The following SLC51A variants were observed in gnomAD, a reference collection of about 807,000 sequenced individuals.
SLC51A encodes the protein solute carrier family 51 member A, also known as organic solute transporter subunit alpha.
SLC51A carries 22 observed loss-of-function variants against 34.8 expected under a neutral mutation model. The ratio of observed to expected loss-of-function variants is 0.63; its 90% confidence interval spans 0.45 to 0.90. The LOEUF (loss-of-function observed/expected upper bound fraction) is 0.90. SLC51A is among the 40% of genes least tolerant of loss of function. The pLI, the probability that SLC51A is intolerant of heterozygous loss-of-function variation, is 0.00. For synonymous variants in SLC51A, 181 were observed against 176.3 expected (o/e 1.03, Z -0.21); for missense variants, 371 against 414.8 (o/e 0.89, Z 0.92).
chr3:196,218,409 GA>G (rs1723653042), intron 2 of SLC51A, among the ~76,000 whole-genome samples: 1 of 152,232 alleles, frequency 6.6e-6, no homozygotes, highest in African/African-American at 2.4e-5. Context: ...CAGCCTTTCT[GA>G]AAAACCTTTG....
rs1577346107 is a variant in SLC51A at position 196,224,779 on chromosome 3, G to GGAGGA, written c.134-2177_134-2173dup. ...ATGGGAGAGGGGAGGGGAGGGGAGG[G>GGAGGA]GAGGAGAGGAGAGTTGTCTGCAAGT... On this transcript the variant is annotated intron_variant, in intron 2 of 8. Coordinates refer to ENST00000296327, the MANE Select transcript of SLC51A (RefSeq NM_152672.6). Among the ~76,000 whole-genome samples, 7 of 137,800 alleles carry GGAGGA rather than the reference G, an allele frequency of 5.1e-5. No homozygotes were observed. In the East Asian group the frequency reaches 1.9e-3, roughly 37 times the overall value. The allele number at this position is 137,800 out of a possible 152,430, so 90.4% of individuals were successfully genotyped here. A position where few individuals can be genotyped will look rare whatever the true frequency, so the allele number is the denominator to read the frequency against.
Position 196,232,406 on chromosome 3 carries a change from T to A in SLC51A, c.781-13T>A. ...GGCCCAGTCCACCCTTGCCTCTCTT[T>A]TATGTTCCGCAGGTTCTCCTCATCC... On this transcript the variant is annotated splice_polypyrimidine_tract_variant and intron_variant, in intron 7 of 8. Coordinates refer to ENST00000296327, the MANE Select transcript of SLC51A (RefSeq NM_152672.6). The A allele has an allele frequency of 6.2e-7, 1 of 1,609,860 alleles. No homozygotes were observed.
intron 2 of SLC51A, among the ~76,000 whole-genome samples, chr3:196,219,182 C>T (rs548423823): frequency 3.9e-5 from 6 of 152,220 alleles, no homozygotes; most frequent in Admixed American, 1.3e-4. Context: ...GCCGAGATCA[C>T]GCCACTGCAC....
intron 2 of SLC51A, 96 bp downstream of exon 2, chr3:196,218,032 G>A: frequency 2.7e-6 from 3 of 1,131,072 alleles, no homozygotes; most frequent in Non-Finnish European, 3.9e-6. Flanking sequence ...GTGCACCTGG[G>A]CAGCCGGGGA....
rs745311146 is a variant in SLC51A at position 196,233,170 on chromosome 3, C to A, written c.994C>A (p.Pro332Thr). The A allele has an allele frequency of 2.5e-6, 4 of 1,614,220 alleles. No individual in the cohort carries two copies. Among genetic ancestry groups the A allele is most frequent in the Non-Finnish European group, 3.4e-6 (4 of 1,180,048 alleles). Residue 332 changes from proline (P) to threonine (T), a missense_variant, in exon 9 of 9, where the codon CCA becomes ACA. Pro to Thr is a conservative substitution (Grantham distance 38, BLOSUM62 -1). Coordinates refer to ENST00000296327, the MANE Select transcript of SLC51A (RefSeq NM_152672.6). ...HKVGYETFSS[P>T]DLDLNLKA ...GGTTGGGTATGAAACTTTCTCTTCT[C>A]CAGACCTGGACTTGAACCTCAAAGC... is the stretch of plus-strand genomic sequence containing the variant.
In SLC51A at chr3:196,233,233, CTCA is replaced by C. The variant is rs752942539; in HGVS notation, c.*36_*38del. 2.1e-5 allele frequency: 33 copies of C among 1,609,458 alleles called. No individual in the cohort carries two copies. Among genetic ancestry groups the C allele is most frequent in the Non-Finnish European group, 2.8e-5 (33 of 1,177,772 alleles). On this transcript the variant is annotated 3_prime_UTR_variant, in exon 9 of 9. Coordinates refer to ENST00000296327, the MANE Select transcript of SLC51A (RefSeq NM_152672.6). ...GCTTGGACAATGAAAGGATGCTGTA[CTCA>C]TTAGAATACAAGATTCCTTTACTGT...
rs1468429895 is a variant in SLC51A at position 196,216,615 on chromosome 3, C to G, written c.-98C>G. 6.4e-6 allele frequency: 8 copies of G among 1,249,946 alleles called. No homozygotes were observed. In the South Asian group the frequency reaches 1.0e-4, roughly 16 times the overall value. 77.4% of individuals were successfully genotyped at this position (1,249,946 alleles called of 1,614,324 possible). A position where few individuals can be genotyped will look rare whatever the true frequency, so the allele number is the denominator to read the frequency against. The stretch of plus-strand genomic sequence containing the variant: ...CTGCAATTCTGCTTGCCCCCCACCC[C>G]GGCCCAGGCAAGCCACCCTGCCCCC... On this transcript the variant is annotated 5_prime_UTR_variant, in exon 1 of 9. Transcript: ENST00000296327. The surrounding 1 kb of genome is among the most constrained non-coding windows in gnomAD (Gnocchi z 4.5).
At chr3:196,225,338 T>C (rs1723870484) in intron 2 of SLC51A, among the ~76,000 whole-genome samples, 1 of 152,162 alleles carries the variant, frequency 6.6e-6, no homozygotes, top group South Asian at 2.1e-4. Context: ...TGCCACCAGG[T>C]GCGACTGACC....
At chr3:196,223,689 A>G (rs73083244) in intron 2 of SLC51A, among the ~76,000 whole-genome samples, 4,962 of 150,136 alleles carry the variant, frequency 0.033, 287 homozygotes, top group African/African-American at 0.12. Flanking sequence ...CTATTGTCTG[A>G]GTTTTTTTAA....
intron 8 of SLC51A, 24 bp from the exon 9 acceptor site, chr3:196,233,039 G>A (rs372592080): frequency 5.3e-5 from 86 of 1,612,440 alleles, no homozygotes; most frequent in Admixed American, 1.0e-4. Context: ...CATAACCTAC[G>A]CTGTATTTCA....
At chr3:196,226,786 AAAAG>A (rs1399403818) in intron 2 of SLC51A, among the ~76,000 whole-genome samples, 175 bp from the exon 3 acceptor site, 2 of 129,252 alleles carry the variant, frequency 1.5e-5, no homozygotes, top group African/African-American at 5.2e-5. Flanking sequence ...AAAAAAAAAA[AAAAG>A]AAAAAGAAAA....
In SLC51A at chr3:196,232,520, T is replaced by A. The variant is rs780251588; in HGVS notation, c.882T>A (p.Ser294=). The change falls in exon 8 of 9, where the codon TCT becomes TCA. Residue 294 remains serine, a synonymous_variant. Transcript: ENST00000296327. ...CSPPYSSKTR[S]QVMNCHLLIL... is the part of the protein sequence containing the mutation. ...CTCCCTATTCCTCTAAAACCAGGTCTCAAGGTGAGCACGTTAAGCCTCCTG... is the reference window on the plus strand; with the variant it reads ...CTCCCTATTCCTCTAAAACCAGGTCACAAGGTGAGCACGTTAAGCCTCCTG... 3 of 1,612,664 alleles carry A rather than the reference T, an allele frequency of 1.9e-6. No homozygotes were observed. The highest frequency in any genetic ancestry group is 2.5e-6 in the Non-Finnish European group (3 of 1,178,618).
chr3:196,230,459 C>T (rs1263259694), intron 7 of SLC51A, among the ~76,000 whole-genome samples: 1 of 152,004 alleles, frequency 6.6e-6, no homozygotes, highest in East Asian at 1.9e-4. Flanking sequence ...ACTCCCATTT[C>T]TGCCTCCATT....
intron 2 of SLC51A, among the ~76,000 whole-genome samples, chr3:196,222,779 T>C (rs1723795438): frequency 6.6e-6 from 1 of 151,828 alleles, no homozygotes; most frequent in Admixed American, 6.6e-5. Context: ...CAAAAATTCT[T>C]CAGCTGTGGA....
intron 3 of SLC51A, chr3:196,227,399 C>T: frequency 1.7e-6 from 1 of 590,608 alleles, no homozygotes. Flanking sequence ...ACTTGAAGAG[C>T]TTCCTTCAGT....
chr3:196,220,296 G>A (rs1182816027), intron 2 of SLC51A, among the ~76,000 whole-genome samples: 1 of 152,168 alleles, frequency 6.6e-6, no homozygotes, highest in African/African-American at 2.4e-5. Context: ...AGAGGAAGAG[G>A]CTTAAGAAGC....
Position 196,216,907 on chromosome 3 carries a change from G to A in SLC51A, c.38+157G>A, listed in dbSNP as rs563327068. On this transcript the variant is annotated intron_variant, in intron 1 of 8. Coordinates refer to ENST00000296327, the MANE Select transcript of SLC51A (RefSeq NM_152672.6). The surrounding 1 kb of genome is among the most constrained non-coding windows in gnomAD (Gnocchi z 4.5). ...CTGTTCCTAGGTCCTCAGGGACAAC[G>A]TGGGTTTGGGCCAGGGTGTGACACT... Among the ~76,000 whole-genome samples, 4 of 152,350 alleles carry A rather than the reference G, an allele frequency of 2.6e-5. No individual in the cohort carries two copies. Among genetic ancestry groups the A allele is most frequent in the Admixed American group, 6.5e-5 (1 of 15,312 alleles).
intron 2 of SLC51A, among the ~76,000 whole-genome samples, chr3:196,226,032 C>T (rs1417770166): frequency 6.6e-6 from 1 of 152,150 alleles, no homozygotes; most frequent in African/African-American, 2.4e-5. Context: ...GAAGTTCTCC[C>T]CTGGCCGAGT....
In SLC51A at chr3:196,228,149, G is replaced by C. The variant is rs1723943008; in HGVS notation, c.397G>C (p.Val133Leu). The change falls in exon 5 of 9, where the codon GTC becomes CTC. Residue 133 changes from valine to leucine, a missense_variant. Transcript: ENST00000296327. This position sits in a 1 kb window ranked among gnomAD's most constrained non-coding sequence, Gnocchi z 4.9. ...YAVCFYLLML[V>L]MVEGFGGKEA... ...CGTGTGCTTTTACCTGCTGATGCTG[G>C]TCATGGTGGAAGGCTTTGGGGGGAA... 2 of 1,614,004 alleles carry C rather than the reference G, an allele frequency of 1.2e-6. No individual in the cohort carries two copies. Among genetic ancestry groups the C allele is most frequent in the Admixed American group, 1.7e-5 (1 of 60,000 alleles).
Sources: allele counts gnomAD v4.1 joint callset (sites outside exome capture counted in the v4.1 genomes callset), GRCh38; gene constraint gnomAD v4.1.1; non-coding constraint Gnocchi (gnomAD v3.1); transcripts MANE v1.5; gene names NCBI Gene and HGNC (gene_info 2026-07-23, HGNC 2026-07-21).